GRID2: variants seen among roughly 807,000 people sequenced by gnomAD.
The protein encoded by GRID2 is glutamate ionotropic receptor delta type subunit 2.
A neutral mutation model predicts 114.8 loss-of-function variants in GRID2; 33 were observed. The ratio of observed to expected loss-of-function variants is 0.29; its 90% CI spans 0.22 to 0.38. The LOEUF (loss-of-function observed/expected upper bound fraction) is 0.38, where lower values mean the gene tolerates loss of function less well. GRID2 is among the 10% of genes least tolerant of loss of function. The pLI, the probability that GRID2 is intolerant of heterozygous loss-of-function variation, is 1.00. For synonymous variants in GRID2, 505 were observed against 449.9 expected (o/e 1.12, Z -1.55); for missense variants, 1,184 against 1,257.7 (o/e 0.94, Z 0.89).
intron 2 of GRID2, among the ~76,000 whole-genome samples, chr4:92,916,205 T>C (rs1220449472): frequency 6.6e-6 from 1 of 152,126 alleles, no homozygotes; most frequent in Non-Finnish European, 1.5e-5. Flanking sequence ...TGTTGTGTTT[T>C]ACATTTAAGA....
intron 5 of GRID2, among the ~76,000 whole-genome samples, chr4:93,215,688 G>A (rs1221629801): frequency 2.0e-5 from 3 of 151,858 alleles, no homozygotes; most frequent in Non-Finnish European, 2.9e-5. Flanking sequence ...CATATATAAA[G>A]GACGATTTTT....
Position 93,455,844 on chromosome 4 carries a change from A to C in GRID2, c.1728A>C (p.Thr576=), listed in dbSNP as rs1047602042. The change falls in exon 11 of 16, where the codon ACA becomes ACC. Residue 576 remains threonine (T), a synonymous_variant. Transcript: ENST00000282020. ...DLSLWACIAG[T]VLLVGLLVYL... ...CTCTATGGGCTTGCATTGCTGGCAC[A>C]GTCCTTCTGGTGGGTCTACTGGTCT... is the stretch of plus-strand genomic sequence containing the variant. 1 of 1,612,992 alleles carries C rather than the reference A, an allele frequency of 6.2e-7. No individual in the cohort carries two copies. Among genetic ancestry groups the C allele is most frequent in the Non-Finnish European group, 8.5e-7 (1 of 1,179,004 alleles).
intron 5 of GRID2, among the ~76,000 whole-genome samples, chr4:93,213,120 T>G (rs1743760526): frequency 6.6e-6 from 1 of 152,088 alleles, no homozygotes; most frequent in African/African-American, 2.4e-5. Flanking sequence ...AGCCTATATG[T>G]GTAATGGATG....
intron 2 of GRID2, among the ~76,000 whole-genome samples, chr4:92,658,293 A>G (rs1037386805): frequency 2.0e-5 from 3 of 151,790 alleles, no homozygotes; most frequent in Non-Finnish European, 4.4e-5. Flanking sequence ...GAATTATTCT[A>G]ATTTCTCTAT....
At chr4:93,354,670 CCG>C (rs1491210270) in intron 8 of GRID2, among the ~76,000 whole-genome samples, 5 of 89,848 alleles carry the variant, frequency 5.6e-5, no homozygotes, top group Admixed American at 1.3e-4. Flanking sequence ...GGTGGCTCAT[CCG>C]TGTGTGTGTG....
intron 2 of GRID2, among the ~76,000 whole-genome samples, chr4:92,903,158 T>C (rs1179048341): frequency 2.6e-5 from 4 of 151,928 alleles, no homozygotes; most frequent in Non-Finnish European, 5.9e-5. Context: ...GTGGTCATTT[T>C]AACGATACTG....
At chr4:92,345,033 C>A (rs1727694720) in intron 1 of GRID2, among the ~76,000 whole-genome samples, 1 of 152,172 alleles carries the variant, frequency 6.6e-6, no homozygotes, top group Admixed American at 6.5e-5. Context: ...TATCCCTCAC[C>A]CTCCTTTCAG....
chr4:93,161,544 G>A (rs1316468653), intron 4 of GRID2, among the ~76,000 whole-genome samples: 2 of 151,666 alleles, frequency 1.3e-5, no homozygotes, highest in Admixed American at 1.3e-4. Flanking sequence ...AGCTGTACAT[G>A]GTAATTTATA....
intron 3 of GRID2, among the ~76,000 whole-genome samples, chr4:93,095,574 TTATAA>T (rs931592402): frequency 4.6e-5 from 7 of 152,136 alleles, no homozygotes; most frequent in South Asian, 2.1e-4. Flanking sequence ...AATCTAAAAC[TTATAA>T]TTTAATTAGT....
intron 8 of GRID2, among the ~76,000 whole-genome samples, chr4:93,260,053 T>A (rs141516529): frequency 6.6e-6 from 1 of 151,844 alleles, no homozygotes; most frequent in African/African-American, 2.4e-5. Context: ...ACAAAAACTG[T>A]GTCCGCTATT....
At chr4:93,567,257 A>ATT (rs1735517408) in intron 13 of GRID2, among the ~76,000 whole-genome samples, 1 of 152,176 alleles carries the variant, frequency 6.6e-6, no homozygotes, top group Non-Finnish European at 1.5e-5. Flanking sequence ...TTCCCCCCAC[A>ATT]TTCCTATTTA....
chr4:93,397,851 G>C (rs1055855326), intron 9 of GRID2, among the ~76,000 whole-genome samples: 1 of 151,804 alleles, frequency 6.6e-6, no homozygotes, highest in Non-Finnish European at 1.5e-5. Context: ...TATGTAAGTA[G>C]TGGCTCTACC....
rs1310281620 is a variant in GRID2, at chr4:93,747,432, G to T, written c.2361-21778G>T. ...TCTAACAAATGCCAGTGTTCCCTCT[G>T]CACTGTATGCTTGTGGAGAGAAAGA... On this transcript the variant is annotated intron_variant, in intron 14 of 15. Transcript: ENST00000282020. 7.2e-5 allele frequency among the ~76,000 whole-genome samples: 11 copies of T among 152,192 alleles called. No homozygotes were observed. The East Asian group carries it at 1.4e-3, about 19-fold the overall frequency.
intron 1 of GRID2, among the ~76,000 whole-genome samples, chr4:92,402,465 G>A (rs1730831374): frequency 6.6e-6 from 1 of 152,136 alleles, no homozygotes; most frequent in Admixed American, 6.5e-5. Flanking sequence ...ATTACTATTT[G>A]ATTCATGGGC....
intron 8 of GRID2, among the ~76,000 whole-genome samples, chr4:93,334,123 G>A (rs1376531645): frequency 1.3e-5 from 2 of 152,206 alleles, no homozygotes; most frequent in Non-Finnish European, 2.9e-5. Flanking sequence ...GATGTAGAAA[G>A]TAGCTCTTCT....
At chr4:93,156,191 A>T (rs1404380183) in intron 4 of GRID2, among the ~76,000 whole-genome samples, 1 of 151,882 alleles carries the variant, frequency 6.6e-6, no homozygotes, top group Non-Finnish European at 1.5e-5. Context: ...ACACAGTGTT[A>T]TATGAGTTTA....
At chr4:93,137,733 G>A (rs1350664718) in intron 4 of GRID2, among the ~76,000 whole-genome samples, 1 of 151,854 alleles carries the variant, frequency 6.6e-6, no homozygotes, top group Non-Finnish European at 1.5e-5. Flanking sequence ...ATATCATGGG[G>A]GATGTTTTAA....
intron 13 of GRID2, among the ~76,000 whole-genome samples, chr4:93,602,192 C>T (rs911723036): frequency 1.3e-5 from 2 of 152,118 alleles, no homozygotes; most frequent in African/African-American, 2.4e-5. Context: ...TGTTATTATA[C>T]GGGCAATTCT....
intron 2 of GRID2, among the ~76,000 whole-genome samples, chr4:92,639,710 T>G (rs1184916734): frequency 6.6e-6 from 1 of 151,730 alleles, no homozygotes; most frequent in Non-Finnish European, 1.5e-5. Flanking sequence ...TGCCATGATA[T>G]ATATACTAAA....
Sources: allele counts gnomAD v4.1 joint callset (sites outside exome capture counted in the v4.1 genomes callset), GRCh38; gene constraint gnomAD v4.1.1; transcripts MANE v1.5; gene names NCBI Gene and HGNC (gene_info 2026-07-23, HGNC 2026-07-21).